Variants in NOL4 observed in about 807,000 individuals in gnomAD.
NOL4 encodes the protein nucleolar protein 4.
In NOL4, 17 loss-of-function variants were observed where a neutral mutation model predicts 75.9. That is an observed-to-expected ratio of 0.22 (90% CI 0.15 to 0.34). NOL4 has a LOEUF of 0.34. Ranked by LOEUF, NOL4 falls within the 10% of genes least tolerant of loss-of-function variation. NOL4 has a pLI of 1.00. For synonymous variants in NOL4, 292 were observed against 289.9 expected (o/e 1.01, Z -0.07); for missense variants, 614 against 793.5 (o/e 0.77, Z 2.72).
At chr18:33,860,375 A>G (rs1378722123) in intron 10 of NOL4, among the ~76,000 whole-genome samples, 1 of 152,156 alleles carries the variant, frequency 6.6e-6, no homozygotes, top group Non-Finnish European at 1.5e-5. Flanking sequence ...TCATTCCAGC[A>G]TTAACCCAAA....
chr18:34,029,714 T>C (rs2075538687), intron 5 of NOL4, among the ~76,000 whole-genome samples: 1 of 152,216 alleles, frequency 6.6e-6, no homozygotes, highest in African/African-American at 2.4e-5. Flanking sequence ...AACTTTCTGT[T>C]TATTGGATAC....
At chr18:34,178,944 A>G (rs2033794270) in intron 1 of NOL4, among the ~76,000 whole-genome samples, 1 of 151,710 alleles carries the variant, frequency 6.6e-6, no homozygotes, top group African/African-American at 2.4e-5. Context: ...ATTTTAGACT[A>G]TAGAACAAGT....
chr18:34,202,153 T>C (rs2146491602), intron 1 of NOL4, among the ~76,000 whole-genome samples: 1 of 151,988 alleles, frequency 6.6e-6, no homozygotes, highest in South Asian at 2.1e-4. Context: ...CAAATCCCAC[T>C]TTTACTCTAA....
Position 34,112,752 on chromosome 18 carries a change from A to G in NOL4, c.415-7592T>C, listed in dbSNP as rs552621248. On this transcript the variant is annotated intron_variant, in intron 2 of 10. Transcript: ENST00000261592. ...GGTCAAAGGGTACAAAGTTTCCATC[A>G]TGTAGTATGAGTAAGTTCTAGAGAT... Among the ~76,000 whole-genome samples, 82 of 152,292 alleles carry G rather than the reference A, an allele frequency of 5.4e-4. 1 individual carries two copies. The highest frequency in any genetic ancestry group is 1.9e-3 in the African/African-American group (77 of 41,566).
In NOL4 at chr18:33,852,802, C is replaced by G; in HGVS notation, c.*40G>C. The G allele has an allele frequency of 6.4e-7, 1 of 1,560,782 alleles. No individual in the cohort carries two copies. The highest frequency in any genetic ancestry group is 8.7e-7 in the Non-Finnish European group (1 of 1,145,674). On this transcript the variant is annotated 3_prime_UTR_variant, in exon 11 of 11. Coordinates refer to ENST00000261592, the MANE Select transcript of NOL4 (RefSeq NM_003787.5). ...GAAATCAAAATGTCATTAGTGGAAA[C>G]TGCAAATTTAGACCTCAGTGAATAT...
At chr18:34,222,149 GGCTGAGAT>G (rs2037360721) in intron 1 of NOL4, 2 of 1,522,886 alleles carry the variant, frequency 1.3e-6, no homozygotes, top group African/African-American at 1.4e-5. Context: ...TGCAGCGTGA[GGCTGAGAT>G]GCATTGGGCT....
chr18:34,124,345 C>T (rs2080286227), intron 2 of NOL4, among the ~76,000 whole-genome samples: 1 of 152,086 alleles, frequency 6.6e-6, no homozygotes, highest in Non-Finnish European at 1.5e-5. Flanking sequence ...TTTTTATATT[C>T]TATGAGTGAA....
In NOL4 at chr18:34,207,496, T is replaced by A. The variant is rs554151420; in HGVS notation, c.264+15494A>T. On this transcript the variant is annotated intron_variant, in intron 1 of 10. Coordinates refer to ENST00000261592, the MANE Select transcript of NOL4 (RefSeq NM_003787.5). ...ATGCAACTCAGAGGTCAGTCTTAGT[T>A]TGTGCAGTGGTTTATATCATATTTC... 3.3e-5 allele frequency among the ~76,000 whole-genome samples: 5 copies of A among 152,354 alleles called. No individual in the cohort carries two copies. In the South Asian group the frequency reaches 1.0e-3, roughly 32 times the overall value.
intron 4 of NOL4, among the ~76,000 whole-genome samples, chr18:34,098,873 C>T (rs898830840): frequency 2.0e-5 from 3 of 152,072 alleles, no homozygotes; most frequent in Non-Finnish European, 4.4e-5. Context: ...GCCCCATCTG[C>T]AAAATGGAGG....
chr18:33,859,532 T>G (rs1284412790), intron 10 of NOL4, among the ~76,000 whole-genome samples: 1 of 152,240 alleles, frequency 6.6e-6, no homozygotes, highest in African/African-American at 2.4e-5. Context: ...ATTATGACTT[T>G]CAATTTCTCC....
chr18:33,928,125 C>G (rs1280070030), intron 9 of NOL4, among the ~76,000 whole-genome samples: 1 of 152,078 alleles, frequency 6.6e-6, no homozygotes, highest in African/African-American at 2.4e-5. Context: ...TATGTCAGGT[C>G]TTCGTTTATC....
chr18:34,142,034 A>T (rs2081190909), intron 1 of NOL4, among the ~76,000 whole-genome samples: 1 of 152,204 alleles, frequency 6.6e-6, no homozygotes, highest in Admixed American at 6.5e-5. Context: ...ATGAACAGAC[A>T]CTTCTCAAAA....
At chr18:34,160,928 T>C (rs1336164352) in intron 1 of NOL4, among the ~76,000 whole-genome samples, 1 of 152,224 alleles carries the variant, frequency 6.6e-6, no homozygotes, top group Non-Finnish European at 1.5e-5. Context: ...TCCTCTTATA[T>C]AGGCATAATT....
Position 34,105,157 on chromosome 18 carries a change from A to C in NOL4, c.418T>G (p.Ser140Ala), listed in dbSNP as rs751943056. 1 of 1,595,864 alleles carries C rather than the reference A, an allele frequency of 6.3e-7. No individual in the cohort carries two copies. The highest frequency in any genetic ancestry group is 1.1e-5 in the South Asian group (1 of 90,714). The part of the protein sequence containing the change: ...AGQKRTYKAI[S>A]ESYAFLPREA... ...CTTGGTAGGAAGGCATAGCTCTCTG[A>C]AATCTGAAATGATTCACAAAATACA... The change falls in exon 3 of 11, where the codon TCA becomes GCA. Residue 140 changes from serine (S) to alanine (A), a missense_variant. By Grantham distance (99) the Ser-to-Ala change is moderately conservative. Around this residue, in one of 9 missense-constraint regions of NOL4, gnomAD observed 135 missense variants for 220.4 expected, o/e 0.61. Coordinates refer to ENST00000261592, the MANE Select transcript of NOL4 (RefSeq NM_003787.5).
At chr18:34,133,272 CAAAAAAAA>C (rs1230503382) in intron 1 of NOL4, among the ~76,000 whole-genome samples, 1 of 57,900 alleles carries the variant, frequency 1.7e-5, no homozygotes, top group Non-Finnish European at 3.9e-5. Flanking sequence ...AACTCCGTCT[CAAAAAAAA>C]AAAAAAAAAA....
At chr18:34,053,311 A>G (rs2076700563) in intron 5 of NOL4, among the ~76,000 whole-genome samples, 1 of 151,116 alleles carries the variant, frequency 6.6e-6, no homozygotes. Context: ...AAAACTGTTG[A>G]AAAAAAAATA....
chr18:34,072,966 G>A (rs987450424), intron 5 of NOL4, among the ~76,000 whole-genome samples: 1 of 152,074 alleles, frequency 6.6e-6, no homozygotes, highest in African/African-American at 2.4e-5. Context: ...GAAATATATA[G>A]TTTTATATGC....
chr18:34,124,644 C>T (rs2080299984), intron 2 of NOL4, among the ~76,000 whole-genome samples: 3 of 152,146 alleles, frequency 2.0e-5, no homozygotes, highest in African/African-American at 7.2e-5. Flanking sequence ...ATGGCTCATG[C>T]TTGTAATCCC....
intron 9 of NOL4, among the ~76,000 whole-genome samples, chr18:33,914,453 C>A (rs2066594679): frequency 6.6e-6 from 1 of 152,042 alleles, no homozygotes; most frequent in South Asian, 2.1e-4. Flanking sequence ...GATGGAAAGC[C>A]ACTGGAAGTT....
Sources: allele counts gnomAD v4.1 joint callset (sites outside exome capture counted in the v4.1 genomes callset), GRCh38; gene constraint gnomAD v4.1.1; regional missense constraint gnomAD v4.1.1; transcripts MANE v1.5; gene names NCBI Gene and HGNC (gene_info 2026-07-23, HGNC 2026-07-21).